GRM1: variants seen among roughly 807,000 people sequenced by gnomAD.
GRM1 encodes the protein metabotropic glutamate receptor 1.
Under a neutral mutation model 90.9 loss-of-function variants are expected in GRM1, and 33 were observed. The observed-to-expected ratio is 0.36, with a 90% CI of 0.28 to 0.49. The LOEUF (loss-of-function observed/expected upper bound fraction) is 0.49, where lower values mean the gene tolerates loss of function less well. Ranked by LOEUF, GRM1 falls within the 20% of genes least tolerant of loss-of-function variation. The pLI is 0.99. For missense variants in GRM1, 1,190 were observed against 1,534.3 expected, an observed-to-expected ratio of 0.78 and a Z score of 3.75; for synonymous variants, 700 against 613.2, an observed-to-expected ratio of 1.14 and a Z score of -2.09.
intron 2 of GRM1, 105 bp from the exon 3 acceptor site, chr6:146,304,506 T>G: frequency 1.2e-6 from 1 of 844,942 alleles, no homozygotes; most frequent in Non-Finnish European, 2.0e-6. Flanking sequence ...TGGCTTAAAA[T>G]AGTCTGTAGC....
rs186195524 is a variant in GRM1 at position 146,283,357 on chromosome 6, T to C, written c.951-21254T>C. ...GAGTTAAGAATGTCAAATACATATG[T>C]GCTTTGTTTTTATGCTGTTGGGTAT... is the stretch of plus-strand genomic sequence containing the variant. On this transcript the variant is annotated intron_variant, in intron 2 of 7. Coordinates refer to ENST00000282753, the MANE Select transcript of GRM1 (RefSeq NM_001278064.2). Among the ~76,000 whole-genome samples the C allele has an allele frequency of 1.8e-3, 274 of 152,314 alleles. 2 individuals are homozygous for C. Among genetic ancestry groups the C allele is most frequent in the African/African-American group, 6.0e-3 (251 of 41,568 alleles).
chr6:146,398,683 T>C (rs182062286), intron 6 of GRM1, 86 bp from the exon 7 acceptor site: 5 of 900,124 alleles, frequency 5.6e-6, no homozygotes, highest in Admixed American at 1.7e-5. Context: ...GATGCAAAGA[T>C]GACTGTGTCT....
chr6:146,290,151 A>T (rs545805407), intron 2 of GRM1, among the ~76,000 whole-genome samples: 1 of 152,062 alleles, frequency 6.6e-6, no homozygotes, highest in Admixed American at 6.5e-5. Context: ...CTGCATTAAA[A>T]AGATCAAAAG....
intron 2 of GRM1, among the ~76,000 whole-genome samples, chr6:146,266,507 C>T (rs1781892754): frequency 6.6e-6 from 1 of 152,144 alleles, no homozygotes; most frequent in Middle Eastern, 3.4e-3. Context: ...AATTGTCTGT[C>T]GTTCTTCAGT....
At chr6:146,144,841 T>C (rs1477947619) in intron 1 of GRM1, among the ~76,000 whole-genome samples, 5 of 152,210 alleles carry the variant, frequency 3.3e-5, no homozygotes, top group Admixed American at 6.5e-5. Context: ...GTTGGTTTAG[T>C]GATTATGACC....
At chr6:146,256,872 G>T (rs182687187) in intron 2 of GRM1, among the ~76,000 whole-genome samples, 1 of 152,164 alleles carries the variant, frequency 6.6e-6, no homozygotes, top group East Asian at 1.9e-4. Context: ...ACACAATTGC[G>T]TGTGGATTTC....
chr6:146,223,438 G>A lies in GRM1; in HGVS notation c.950+63841G>A, dbSNP rs117798057. 2.1e-3 allele frequency among the ~76,000 whole-genome samples: 312 copies of A among 152,082 alleles called. 4 individuals carry two copies. The East Asian group carries it at 0.03, about 15-fold the overall frequency. On this transcript the variant is annotated intron_variant, in intron 2 of 7. Transcript: ENST00000282753. ...CATTAGATTGAGGTAGGGTAGACCT[G>A]TGACCGACCACAGGCAAGTAGTTTA...
chr6:146,198,000 A>C (rs1314536989), intron 2 of GRM1, among the ~76,000 whole-genome samples: 1 of 152,240 alleles, frequency 6.6e-6, no homozygotes, highest in Non-Finnish European at 1.5e-5. Flanking sequence ...TTCTTACCAC[A>C]ATAAAAACAA....
intron 3 of GRM1, among the ~76,000 whole-genome samples, chr6:146,349,672 G>A (rs1246886223): frequency 2.0e-5 from 3 of 151,790 alleles, no homozygotes; most frequent in South Asian, 2.1e-4. Flanking sequence ...ATTTAAGTCC[G>A]GAGACATCAG....
At chr6:146,285,221 CTTG>C (rs1385976586) in intron 2 of GRM1, among the ~76,000 whole-genome samples, 1 of 152,190 alleles carries the variant, frequency 6.6e-6, no homozygotes, top group African/African-American at 2.4e-5. Context: ...AGGCCAAACT[CTTG>C]ACTTCTCCTT....
At chr6:146,117,500 C>T (rs570184914) in intron 1 of GRM1, among the ~76,000 whole-genome samples, 3 of 151,952 alleles carry the variant, frequency 2.0e-5, no homozygotes, top group East Asian at 1.9e-4. Context: ...GAATAAGTTT[C>T]TGTTTAATAG....
chr6:146,339,679 T>C (rs935719267), intron 3 of GRM1, among the ~76,000 whole-genome samples: 2 of 152,234 alleles, frequency 1.3e-5, no homozygotes, highest in African/African-American at 2.4e-5. Context: ...TCTAAATAAC[T>C]TATTACTGCA....
At position 146,316,711 on chromosome 6, in the gene GRM1, C is replaced by A. The variant is rs182174451; in HGVS notation, c.1186+11865C>A. Reference sequence around the variant, plus strand: ...TATTTCGCATCATCATCCTCCTTGGCGTCCTCTGACGGAGCATGCTCCTCT... The same window carrying A: ...TATTTCGCATCATCATCCTCCTTGGAGTCCTCTGACGGAGCATGCTCCTCT... On this transcript the variant is annotated intron_variant, in intron 3 of 7. Coordinates refer to ENST00000282753, the MANE Select transcript of GRM1 (RefSeq NM_001278064.2). Among the ~76,000 whole-genome samples the A allele has an allele frequency of 8.5e-5, 13 of 152,226 alleles. No individual in the cohort carries two copies. The East Asian group carries it at 2.3e-3, about 27-fold the overall frequency.
intron 1 of GRM1, among the ~76,000 whole-genome samples, chr6:146,074,093 G>T (rs1330517693): frequency 1.3e-5 from 2 of 152,084 alleles, no homozygotes; most frequent in Non-Finnish European, 2.9e-5. Flanking sequence ...ATTTCTGAAA[G>T]AGATACCGAG....
intron 7 of GRM1, 23 bp from the exon 8 acceptor site, chr6:146,433,849 A>T: frequency 1.3e-6 from 2 of 1,511,794 alleles, no homozygotes; most frequent in Non-Finnish European, 1.8e-6. Flanking sequence ...CTGCAAATAA[A>T]TCCATCTCTA....
chr6:146,317,216 G>A (rs1562603915), intron 3 of GRM1, among the ~76,000 whole-genome samples: 1 of 152,028 alleles, frequency 6.6e-6, no homozygotes, highest in Admixed American at 6.6e-5. Flanking sequence ...AGTTTTCATG[G>A]GTCTTTTGTG....
At chr6:146,285,013 G>C (rs2114865828) in intron 2 of GRM1, among the ~76,000 whole-genome samples, 1 of 152,270 alleles carries the variant, frequency 6.6e-6, no homozygotes, top group South Asian at 2.1e-4. Flanking sequence ...AATAGTTCAT[G>C]ACATTCCCTT....
At chr6:146,052,589 TCC>T (rs1775334258) in intron 1 of GRM1, among the ~76,000 whole-genome samples, 9 of 152,174 alleles carry the variant, frequency 5.9e-5, no homozygotes, top group African/African-American at 1.7e-4. Flanking sequence ...GCCATGGGTC[TCC>T]TTGCCATCCT....
Position 146,029,374 on chromosome 6 carries a change from CA to C in GRM1, c.-141del. On this transcript the variant is annotated 5_prime_UTR_variant, in exon 1 of 8. Transcript: ENST00000282753. ...GGGAAGGAGGCGGTGGTGGAGGAGG[CA>C]AAGGCCTTGGACGACCATTGTTGGC... The C allele has an allele frequency of 1.3e-6, 1 of 746,224 alleles. No homozygotes were observed. The highest frequency in any genetic ancestry group is 2.4e-6 in the Non-Finnish European group (1 of 413,612). 46.2% of individuals were successfully genotyped at this position (746,224 alleles called of 1,614,324 possible). A position where few individuals can be genotyped will look rare whatever the true frequency, so the allele number is the denominator to read the frequency against.
Sources: allele counts gnomAD v4.1 joint callset (sites outside exome capture counted in the v4.1 genomes callset), GRCh38; gene constraint gnomAD v4.1.1; transcripts MANE v1.5; gene names NCBI Gene and HGNC (gene_info 2026-07-23, HGNC 2026-07-21).